BMPR1A: variants seen among roughly 807,000 people sequenced by gnomAD.
The protein encoded by BMPR1A is bone morphogenetic protein receptor type-1A.
A neutral mutation model predicts 66.0 loss-of-function variants in BMPR1A; 7 were observed. The observed-to-expected ratio is 0.11, with a 90% CI of 0.06 to 0.20. The LOEUF (loss-of-function observed/expected upper bound fraction) is 0.20, where lower values mean the gene tolerates loss of function less well. Among genes scored for constraint, BMPR1A ranks in the 10% least tolerant of loss-of-function variants. The pLI is 1.00. For synonymous variants in BMPR1A, 200 were observed against 229.7 expected, an observed-to-expected ratio of 0.87 and a Z score of 1.17; for missense variants, 408 against 669.1, an observed-to-expected ratio of 0.61 and a Z score of 4.31.
At chr10:86,931,305 A>T (rs1242294156), downstream of BMPR1A, 1 of 129,192 alleles carries the variant, frequency 7.7e-6, no homozygotes, top group Non-Finnish European at 1.5e-5. Flanking sequence ...ACACATATAT[A>T]TATATATATT....
Position 86,900,006 on chromosome 10 carries a change from AT to A in BMPR1A, c.431-19del. Reference sequence around the variant, plus strand: ...TTATTTTTTCATTTCAATTGTTTACATTGTTTACTTTTATTGTCAGGTCCGT... The same window carrying A: ...TTATTTTTTCATTTCAATTGTTTACATGTTTACTTTTATTGTCAGGTCCGT... On this transcript the variant is annotated intron_variant, in intron 6 of 12. Coordinates refer to ENST00000372037, the MANE Select transcript of BMPR1A (RefSeq NM_004329.3). 6.2e-7 allele frequency: 1 copy of A among 1,613,614 alleles called. No individual in the cohort carries two copies. The highest frequency in any genetic ancestry group is 8.5e-7 in the Non-Finnish European group (1 of 1,179,630).
intron 7 of BMPR1A, among the ~76,000 whole-genome samples, chr10:86,902,002 G>A (rs1412859480): frequency 1.3e-5 from 2 of 152,074 alleles, no homozygotes; most frequent in East Asian, 1.9e-4. Context: ...GGGATTACAG[G>A]TATGCACTGC....
At position 86,923,826 on chromosome 10, in the gene BMPR1A, T is replaced by C. The variant is rs1843705665; in HGVS notation, c.*107T>C. On this transcript the variant is annotated 3_prime_UTR_variant, in exon 13 of 13. Transcript: ENST00000372037. ...GATGTTAACTTGGTTCTCAGACTCT[T>C]TCTTCACTACGTGTTCACAGGCTGC... 1 of 1,452,218 alleles carries C rather than the reference T, an allele frequency of 6.9e-7. No homozygotes were observed. The highest frequency in any genetic ancestry group is 9.6e-7 in the Non-Finnish European group (1 of 1,037,780). The allele number at this position is 1,452,218 out of a possible 1,614,324, so 90.0% of individuals were successfully genotyped here. A position where few individuals can be genotyped will look rare whatever the true frequency, so the allele number is the denominator to read the frequency against.
intron 7 of BMPR1A, among the ~76,000 whole-genome samples, chr10:86,901,103 TGA>T (rs1216251562): frequency 6.6e-6 from 1 of 152,248 alleles, no homozygotes; most frequent in African/African-American, 2.4e-5. Context: ...CACTCAACTC[TGA>T]GAGAGGCCCA....
At chr10:86,861,064 A>G (rs757107027) in intron 2 of BMPR1A, among the ~76,000 whole-genome samples, 8 of 152,000 alleles carry the variant, frequency 5.3e-5, no homozygotes, top group Non-Finnish European at 8.8e-5. Flanking sequence ...GATGGTCTCA[A>G]TCTCCTGACC....
At chr10:86,853,430 A>G (rs371971246) in intron 2 of BMPR1A, among the ~76,000 whole-genome samples, 7 of 152,352 alleles carry the variant, frequency 4.6e-5, no homozygotes, top group African/African-American at 1.7e-4. Flanking sequence ...ACTAGGGGCA[A>G]ATTTCAACTT....
intron 2 of BMPR1A, among the ~76,000 whole-genome samples, chr10:86,860,407 G>A (rs1842698309): frequency 6.6e-6 from 1 of 152,108 alleles, no homozygotes. Flanking sequence ...TGAAATAAAA[G>A]GCAAGTTGAT....
chr10:86,844,530 G>C (rs1439172071), intron 2 of BMPR1A, among the ~76,000 whole-genome samples: 1 of 152,170 alleles, frequency 6.6e-6, no homozygotes, highest in African/African-American at 2.4e-5. Context: ...AAGGCAGTAA[G>C]TTAATTATAT....
At chr10:86,876,911 A>G (rs949038347) in intron 3 of BMPR1A, among the ~76,000 whole-genome samples, 3 of 152,344 alleles carry the variant, frequency 2.0e-5, no homozygotes, top group Admixed American at 1.3e-4. Context: ...TTTTGCTACT[A>G]TGTGTTCACA....
chr10:86,838,327 T>C (rs1184610843), intron 1 of BMPR1A, among the ~76,000 whole-genome samples: 1 of 152,226 alleles, frequency 6.6e-6, no homozygotes, highest in African/African-American at 2.4e-5. Context: ...GCAGTACTAA[T>C]ATACGGTAGT....
intron 3 of BMPR1A, among the ~76,000 whole-genome samples, chr10:86,884,035 C>T (rs1172700934): frequency 1.3e-5 from 2 of 151,930 alleles, no homozygotes; most frequent in African/African-American, 2.4e-5. Flanking sequence ...CCACCACACT[C>T]GGCTAATTTT....
chr10:86,859,350 A>G (rs1842683872), intron 2 of BMPR1A, among the ~76,000 whole-genome samples: 2 of 152,062 alleles, frequency 1.3e-5, no homozygotes, highest in Non-Finnish European at 2.9e-5. Flanking sequence ...TTTTTGAAGT[A>G]TAGAGATGGG....
chr10:86,760,315 G>A (rs1245288473), intron 1 of BMPR1A, among the ~76,000 whole-genome samples: 1 of 138,654 alleles, frequency 7.2e-6, no homozygotes, highest in Non-Finnish European at 1.5e-5. Context: ...GTGCAATGGC[G>A]TGAGCTCAGC....
At chr10:86,779,564 G>T (rs1006078450) in intron 1 of BMPR1A, among the ~76,000 whole-genome samples, 1 of 152,090 alleles carries the variant, frequency 6.6e-6, no homozygotes, top group African/African-American at 2.4e-5. Flanking sequence ...TAGAGTTGTG[G>T]TTTTGATTTG....
intron 1 of BMPR1A, among the ~76,000 whole-genome samples, chr10:86,777,275 G>C (rs1428054627): frequency 6.6e-6 from 1 of 152,136 alleles, no homozygotes; most frequent in Non-Finnish European, 1.5e-5. Flanking sequence ...TTTTAAAAAT[G>C]TGGTTTAGAA....
chr10:86,883,111 C>G (rs957993063), intron 3 of BMPR1A, among the ~76,000 whole-genome samples: 1 of 152,180 alleles, frequency 6.6e-6, no homozygotes, highest in Non-Finnish European at 1.5e-5. Context: ...AAGGCTGTTT[C>G]CTCTCTACCC....
At chr10:86,870,042 A>G (rs1467431408) in intron 2 of BMPR1A, among the ~76,000 whole-genome samples, 1 of 152,204 alleles carries the variant, frequency 6.6e-6, no homozygotes, top group Non-Finnish European at 1.5e-5. Context: ...TTATTTTATC[A>G]GTGAATACCA....
At chr10:86,932,013 G>A (rs1843814935), downstream of BMPR1A, 1 of 152,076 alleles carries the variant, frequency 6.6e-6, no homozygotes, top group African/African-American at 2.4e-5. Context: ...ATGATTCCAG[G>A]CTTCCATTAA....
chr10:86,766,746 C>T (rs545104626), intron 1 of BMPR1A, among the ~76,000 whole-genome samples: 218 of 151,816 alleles, frequency 1.4e-3, no homozygotes, highest in African/African-American at 4.9e-3. Context: ...CTCCCGAGTA[C>T]AGGCGCCCGC....
Sources: gnomAD v4.1 joint callset for allele counts (sites outside exome capture counted in the v4.1 genomes callset) on GRCh38, gnomAD v4.1.1 for gene constraint, MANE v1.5 for transcripts, NCBI Gene and HGNC (gene_info 2026-07-23, HGNC 2026-07-21) for gene names.